Variants in NBPF19 observed in about 807,000 individuals in gnomAD.
The protein encoded by NBPF19 is NBPF member 19, also known as NBPF family member NBPF19.
In NBPF19, 30 loss-of-function variants were observed where a neutral mutation model predicts 45.9. The ratio of observed to expected loss-of-function variants is 0.65; its 90% confidence interval spans 0.49 to 0.89. The LOEUF (loss-of-function observed/expected upper bound fraction) is 0.89, where lower values mean the gene tolerates loss of function less well. NBPF19 is among the 40% of genes least tolerant of loss of function. The probability of loss-of-function intolerance (pLI) is 0.00; values close to 1 mark genes in which losing one functional copy is unlikely to be tolerated. For synonymous variants in NBPF19, 183 were observed against 181.2 expected, an observed-to-expected ratio of 1.01 and a Z score of -0.08; for missense variants, 495 against 471.8, an observed-to-expected ratio of 1.05 and a Z score of -0.46.
chr1:149,475,296 A>AC lies in NBPF19; in HGVS notation c.-535_-534insC, dbSNP rs2084765249. Among the ~76,000 whole-genome samples the AC allele has an allele frequency of 2.0e-5, 3 of 150,198 alleles. No individual in the cohort carries two copies. The highest frequency in any genetic ancestry group is 4.5e-5 in the Non-Finnish European group (3 of 67,292). On this transcript the variant is annotated 5_prime_UTR_variant, in exon 1 of 94. Transcript: ENST00000651566. ...AGTTTGATATCTTACACCTGTGGAA[A>AC]AGCCTTAAGCTCTGTTTTAACTGAG...
At position 149,478,778 on chromosome 1, in the gene NBPF19, G is replaced by A. The variant is rs2084998660; in HGVS notation, c.279-102G>A. On this transcript the variant is annotated intron_variant, in intron 3 of 93. Coordinates refer to ENST00000651566, the MANE Select transcript of NBPF19 (RefSeq NM_001351365.2). ...TCAACATGTGCTGACCTTCTGCTTGGAGGTCTCCTTGAGGACATTGTCTCA... is the reference window on the plus strand; with the variant it reads ...TCAACATGTGCTGACCTTCTGCTTGAAGGTCTCCTTGAGGACATTGTCTCA... 12 of 1,278,440 alleles carry A rather than the reference G, an allele frequency of 9.4e-6. 1 individual carries two copies. The highest frequency in any genetic ancestry group is 1.4e-5 in the Non-Finnish European group (12 of 876,440). 79.2% of individuals were successfully genotyped at this position (1,278,440 alleles called of 1,614,324 possible). A position where few individuals can be genotyped will look rare whatever the true frequency, so the allele number is the denominator to read the frequency against.
At chr1:149,483,555 G>A (rs2085332286) in intron 7 of NBPF19, among the ~76,000 whole-genome samples, 3 of 149,184 alleles carry the variant, frequency 2.0e-5, no homozygotes, top group Non-Finnish European at 4.5e-5. Context: ...TGTTATGTGT[G>A]AATTTGATCC....
At position 149,488,034 on chromosome 1, in the gene NBPF19, T is replaced by G; in HGVS notation, c.1062T>G (p.Asp354Glu). 1.5e-6 allele frequency: 1 copy of G among 688,810 alleles called. No homozygotes were observed. Among genetic ancestry groups the G allele is most frequent in the Non-Finnish European group, 2.7e-6 (1 of 377,246 alleles). The allele number at this position is 688,810 out of a possible 1,614,324, so 42.7% of individuals were successfully genotyped here. A position where few individuals can be genotyped will look rare whatever the true frequency, so the allele number is the denominator to read the frequency against. Residue 354 changes from aspartate to glutamate, a missense_variant, in exon 10 of 94, where the codon GAT becomes GAG. Around this residue, in one of 8 missense-constraint regions of NBPF19, gnomAD observed 146 missense variants for 67.3 expected, o/e 2.17. Coordinates refer to ENST00000651566, the MANE Select transcript of NBPF19 (RefSeq NM_001351365.2). ...CCAGGCTCAGCAGGGAGCTGCTGGA[T>G]GAGAAAGGGCCTGAAGTCTTGCAGG... is the stretch of plus-strand genomic sequence containing the variant. ...TGPRLSRELL[D>E]EKGPEVLQDS...
chr1:149,480,472 C>T (rs2085113631), intron 5 of NBPF19, among the ~76,000 whole-genome samples: 1 of 142,070 alleles, frequency 7.0e-6, no homozygotes. Flanking sequence ...CAATGAACAG[C>T]AGCTGCTCTC....
At position 149,554,649 on chromosome 1, in the gene NBPF19, T is replaced by C; in HGVS notation, c.11443T>C (p.Phe3815Leu). 1.2e-6 allele frequency: 2 copies of C among 1,608,348 alleles called. No individual in the cohort carries two copies. The highest frequency in any genetic ancestry group is 2.2e-5 in the East Asian group (1 of 44,852). The change falls in exon 94 of 94, where the codon TTC (phenylalanine) becomes CTC (leucine). Residue 3815 changes from phenylalanine (F) to leucine (L), a missense_variant. Physicochemically the swap from Phe to Leu is conservative, Grantham distance 22. Around this residue, in one of 8 missense-constraint regions of NBPF19, gnomAD observed 248 missense variants for 95.4 expected, o/e 2.60. Transcript: ENST00000651566. The part of the protein sequence containing the change: ...FYSFEEEHIS[F>L]ALYLDNRFFT... ...CTCATTTGAGGAAGAGCATATCAGC[T>C]TCGCCCTTTACTTGGACAATAGGTT...
intron 61 of NBPF19, among the ~76,000 whole-genome samples, chr1:149,528,950 T>TGC (rs2086913717): frequency 7.9e-6 from 1 of 127,058 alleles, no homozygotes; most frequent in African/African-American, 3.2e-5. Flanking sequence ...TCTCTCTGTG[T>TGC]GTGTGTGTGT....
At chr1:149,479,274 T>C (rs1266577690) in intron 4 of NBPF19, among the ~76,000 whole-genome samples, 180 bp downstream of exon 4, 2 of 148,144 alleles carry the variant, frequency 1.4e-5, no homozygotes, top group African/African-American at 5.0e-5. Flanking sequence ...GGTTTGGAGG[T>C]CACAGTATTG....
At position 149,554,687 on chromosome 1, in the gene NBPF19, G is replaced by A. The variant is rs1233138085; in HGVS notation, c.11481G>A (p.Thr3827=). 7.5e-5 allele frequency: 121 copies of A among 1,608,232 alleles called. 1 individual carries two copies. The African/African-American group carries it at 8.3e-4, about 11-fold the overall frequency. ...TGGACAATAGGTTTTTTACTTTGAC[G>A]GTGACAAGTCTCCATCTGGTGTTCC... ...LYLDNRFFTL[T]VTSLHLVFQM... is the part of the protein sequence containing the mutation. Residue 3827 remains threonine (T), a synonymous_variant, in exon 94 of 94, where the codon ACG becomes ACA. Coordinates refer to ENST00000651566, the MANE Select transcript of NBPF19 (RefSeq NM_001351365.2).
At chr1:149,488,401 C>A (rs1206738536) in intron 10 of NBPF19, among the ~76,000 whole-genome samples, 3 of 142,282 alleles carry the variant, frequency 2.1e-5, no homozygotes, top group Non-Finnish European at 4.5e-5. Flanking sequence ...CAGGCCATAC[C>A]TGTGGCGCCC....
At chr1:149,488,478 C>G (rs1229545992) in intron 10 of NBPF19, among the ~76,000 whole-genome samples, 1 of 126,006 alleles carries the variant, frequency 7.9e-6, no homozygotes, top group Non-Finnish European at 1.7e-5. Context: ...GATTTTGTCT[C>G]AATTTTGTAG....
intron 3 of NBPF19, 57 bp from the exon 4 acceptor site, chr1:149,478,823 T>A: frequency 7.2e-7 from 1 of 1,395,898 alleles, no homozygotes; most frequent in Non-Finnish European, 1.0e-6. Context: ...GTTGCAATAT[T>A]TGAACGGATC....
chr1:149,521,179 G>C (rs1432664693), intron 51 of NBPF19, 140 bp from the exon 52 acceptor site: 3 of 329,686 alleles, frequency 9.1e-6, no homozygotes, highest in Middle Eastern at 9.2e-4. Context: ...CCAACATAAA[G>C]GCAATAATTT....
In NBPF19 at chr1:149,487,762, G is replaced by C. The variant is rs1211660791; in HGVS notation, c.1041-251G>C. 5.5e-4 allele frequency among the ~76,000 whole-genome samples: 78 copies of C among 141,098 alleles called. 1 individual carries two copies. Among genetic ancestry groups the C allele is most frequent in the African/African-American group, 1.4e-3 (51 of 36,466 alleles). 92.6% of individuals were successfully genotyped at this position (141,098 alleles called of 152,430 possible). On this transcript the variant is annotated intron_variant, in intron 9 of 93. Transcript: ENST00000651566. ...TCATCAGTGTGTCACCTGACCAATTGACTGAGCTCGCTCTGTGTGTGTGTG... is the reference window on the plus strand; with the variant it reads ...TCATCAGTGTGTCACCTGACCAATTCACTGAGCTCGCTCTGTGTGTGTGTG...
rs1559627768 is a variant in NBPF19 at position 149,554,978 on chromosome 1, C to T, written c.*240C>T. 22 of 704,258 alleles carry T rather than the reference C, an allele frequency of 3.1e-5. No individual in the cohort carries two copies. The highest frequency in any genetic ancestry group is 1.6e-4 in the Admixed American group (5 of 31,854). 43.6% of individuals were successfully genotyped at this position (704,258 alleles called of 1,614,324 possible). ...GCAGCACATGCCGGGAGTGATCAGTCGGACATTTTAATTTGAACCACGTAT... is the reference window on the plus strand; with the variant it reads ...GCAGCACATGCCGGGAGTGATCAGTTGGACATTTTAATTTGAACCACGTAT... On this transcript the variant is annotated 3_prime_UTR_variant, in exon 94 of 94. Transcript: ENST00000651566.
chr1:149,515,138 A>C (rs2101668225), intron 44 of NBPF19, 30 bp downstream of exon 44: 1 of 999,720 alleles, frequency 1.0e-6, no homozygotes, highest in Non-Finnish European at 1.5e-6. Flanking sequence ...GGTGATAAGC[A>C]CCACTGAGTC....
At chr1:149,479,746 T>A (rs2085061535) in intron 4 of NBPF19, among the ~76,000 whole-genome samples, 3 of 150,302 alleles carry the variant, frequency 2.0e-5, no homozygotes, top group African/African-American at 7.4e-5. Context: ...CATAGAGGAC[T>A]GTGGGACAAG....
chr1:149,477,031 C>T (rs1297287881), intron 2 of NBPF19, among the ~76,000 whole-genome samples: 5 of 150,728 alleles, frequency 3.3e-5, no homozygotes, highest in African/African-American at 1.2e-4. Flanking sequence ...TGCACAGGCT[C>T]TTGTTCCTAA....
intron 6 of NBPF19, among the ~76,000 whole-genome samples, chr1:149,481,396 C>T (rs1344631410): frequency 1.2e-3 from 133 of 113,244 alleles, no homozygotes; most frequent in African/African-American, 4.5e-3. Context: ...GATATATTTC[C>T]ATAAAGCAAG....
rs2087198954 is a variant in NBPF19 at position 149,554,605 on chromosome 1, A to G, written c.11399A>G (p.His3800Arg). 2 of 1,608,286 alleles carry G rather than the reference A, an allele frequency of 1.2e-6. No homozygotes were observed. The highest frequency in any genetic ancestry group is 2.2e-5 in the East Asian group (1 of 44,852). The change falls in exon 94 of 94, where the codon CAC becomes CGC. Residue 3800 changes from histidine to arginine, a missense_variant. By Grantham distance (29) the His-to-Arg change is conservative. Transcript: ENST00000651566. ...MYFELPDSFQ[H>R]YRSVFYSFEE... ...TTTGAACTACCTGACTCATTCCAGC[A>G]CTACAGAAGTGTGTTTTACTCATTT... is the stretch of plus-strand genomic sequence containing the variant.
Sources: gnomAD v4.1 joint callset for allele counts (sites outside exome capture counted in the v4.1 genomes callset) on GRCh38, gnomAD v4.1.1 for gene constraint, gnomAD v4.1.1 regional missense constraint, MANE v1.5 for transcripts, NCBI Gene and HGNC (gene_info 2026-07-23, HGNC 2026-07-21) for gene names.